NEK11: variants seen among roughly 807,000 people sequenced by gnomAD.
NEK11 encodes NIMA related kinase 11, also known as serine/threonine-protein kinase Nek11.
NEK11 carries 72 observed loss-of-function variants against 80.7 expected under a neutral mutation model. That is an observed-to-expected ratio of 0.89 (90% CI 0.74 to 1.08). The LOEUF (loss-of-function observed/expected upper bound fraction) is 1.08. Among genes scored for constraint, NEK11 ranks in the 50% least tolerant of loss-of-function variants. The probability of loss-of-function intolerance (pLI) is 0.00; values close to 1 mark genes in which losing one functional copy is unlikely to be tolerated. For missense variants in NEK11, 764 were observed against 763.6 expected, an observed-to-expected ratio of 1.00 and a Z score of -0.01; for synonymous variants, 251 against 260.7, an observed-to-expected ratio of 0.96 and a Z score of 0.36.
intron 17 of NEK11, among the ~76,000 whole-genome samples, chr3:131,300,503 A>G (rs1182693986): frequency 6.6e-6 from 1 of 152,016 alleles, no homozygotes; most frequent in Non-Finnish European, 1.5e-5. Flanking sequence ...CAGGATTTTT[A>G]TTGTTTTAGG....
rs990145644 is a variant in NEK11, at chr3:131,207,581, GA to G, written c.1400-20936del. Among the ~76,000 whole-genome samples, 113 of 144,690 alleles carry G rather than the reference GA, an allele frequency of 7.8e-4. 3 individuals carry two copies. The East Asian group carries it at 0.015, about 19-fold the overall frequency. 94.9% of individuals were successfully genotyped at this position (144,690 alleles called of 152,430 possible). A position where few individuals can be genotyped will look rare whatever the true frequency, so the allele number is the denominator to read the frequency against. ...GTGAAAGAGTGAGACTCTATCTCAAGAAAAAAAAAAAGTGTTCCTATTTCTC... is the reference window on the plus strand; with the variant it reads ...GTGAAAGAGTGAGACTCTATCTCAAGAAAAAAAAAAGTGTTCCTATTTCTC... On this transcript the variant is annotated intron_variant, in intron 14 of 17. Transcript: ENST00000383366.
chr3:131,143,193 C>T (rs1244920620), intron 7 of NEK11, among the ~76,000 whole-genome samples: 1 of 152,130 alleles, frequency 6.6e-6, no homozygotes, highest in Non-Finnish European at 1.5e-5. Context: ...CTATTTTGCT[C>T]CAGCTGCTTT....
At chr3:131,214,527 C>T (rs1013756324) in intron 14 of NEK11, among the ~76,000 whole-genome samples, 3 of 152,122 alleles carry the variant, frequency 2.0e-5, no homozygotes, top group East Asian at 1.9e-4. Flanking sequence ...TTGTCATTTT[C>T]GCTTTTACTC....
At chr3:131,193,697 A>G (rs2093890131) in intron 14 of NEK11, among the ~76,000 whole-genome samples, 2 of 152,178 alleles carry the variant, frequency 1.3e-5, no homozygotes, top group African/African-American at 4.8e-5. Context: ...ATGCACTTTT[A>G]TGCTTTAATA....
At chr3:131,189,317 G>A (rs987609148) in intron 14 of NEK11, among the ~76,000 whole-genome samples, 5 of 152,170 alleles carry the variant, frequency 3.3e-5, no homozygotes, top group Non-Finnish European at 1.5e-5. Context: ...AGTCTGTTCA[G>A]GCTGTTGTAA....
rs1024956616 is a variant in NEK11 at position 131,132,533 on chromosome 3, T to A, written c.456-212T>A. 2.0e-5 allele frequency among the ~76,000 whole-genome samples: 3 copies of A among 152,078 alleles called. No homozygotes were observed. In the East Asian group the frequency reaches 5.8e-4, roughly 29 times the overall value. On this transcript the variant is annotated intron_variant, in intron 5 of 17. Coordinates refer to ENST00000383366, the MANE Select transcript of NEK11 (RefSeq NM_024800.5). ...ATATCACCGTTCTCCAAACTACATGTTCCCCAACCTTTAAAATCTTTATTT... is the reference window on the plus strand; with the variant it reads ...ATATCACCGTTCTCCAAACTACATGATCCCCAACCTTTAAAATCTTTATTT...
intron 17 of NEK11, among the ~76,000 whole-genome samples, chr3:131,342,732 G>GGT (rs138440625): frequency 1.5e-4 from 22 of 151,330 alleles, no homozygotes; most frequent in East Asian, 9.7e-4. Context: ...CATGATAAGA[G>GGT]GTGTGTGTGT....
chr3:131,057,411 G>C (rs1382362861), intron 3 of NEK11, among the ~76,000 whole-genome samples: 1 of 151,958 alleles, frequency 6.6e-6, no homozygotes, highest in African/African-American at 2.4e-5. Flanking sequence ...CCAGTAATGG[G>C]ATGGCTGGGT....
intron 16 of NEK11, among the ~76,000 whole-genome samples, chr3:131,263,444 G>A (rs889708364): frequency 2.0e-5 from 3 of 152,162 alleles, no homozygotes; most frequent in Non-Finnish European, 4.4e-5. Flanking sequence ...TTTGGTACAA[G>A]TACCATGCTG....
chr3:131,100,268 T>C (rs2078166023), intron 4 of NEK11, among the ~76,000 whole-genome samples: 1 of 152,154 alleles, frequency 6.6e-6, no homozygotes. Context: ...ATTTATTGAT[T>C]TGTGTATGTT....
intron 14 of NEK11, among the ~76,000 whole-genome samples, chr3:131,183,146 G>A (rs1579747655): frequency 6.6e-6 from 1 of 152,136 alleles, no homozygotes; most frequent in South Asian, 2.1e-4. Flanking sequence ...GGTGACTACC[G>A]ATTAAGAAAG....
At chr3:131,059,609 C>T (rs1379419567) in intron 3 of NEK11, among the ~76,000 whole-genome samples, 1 of 152,184 alleles carries the variant, frequency 6.6e-6, no homozygotes, top group Non-Finnish European at 1.5e-5. Context: ...GCTCCATCTA[C>T]ATAGTGTGAA....
chr3:131,307,514 T>C (rs1027877022), intron 17 of NEK11, among the ~76,000 whole-genome samples: 5 of 152,186 alleles, frequency 3.3e-5, no homozygotes, highest in Non-Finnish European at 7.3e-5. Context: ...TTAATCCCCT[T>C]TTACATAAAA....
intron 17 of NEK11, chr3:131,325,089 A>G (rs1431415032): frequency 6.6e-6 from 1 of 152,208 alleles, no homozygotes; most frequent in Admixed American, 6.5e-5. Flanking sequence ...ACATCCAAGG[A>G]GATGTATGCA....
At chr3:131,087,127 T>C (rs1052702430) in intron 4 of NEK11, among the ~76,000 whole-genome samples, 1 of 152,148 alleles carries the variant, frequency 6.6e-6, no homozygotes, top group African/African-American at 2.4e-5. Flanking sequence ...CACCCCCCTT[T>C]CCTCCCTCCG....
In NEK11 at chr3:131,297,379, T is replaced by C. The variant is rs538747842; in HGVS notation, c.1718+23805T>C. On this transcript the variant is annotated intron_variant, in intron 17 of 17. Coordinates refer to ENST00000383366, the MANE Select transcript of NEK11 (RefSeq NM_024800.5). ...CTAACTGGTGTGAGATGGTATCTCA[T>C]TGTGGTTTTGATTTGCATTTCTCTG... Among the ~76,000 whole-genome samples, 353 of 152,208 alleles carry C rather than the reference T, an allele frequency of 2.3e-3. 2 individuals are homozygous for C. The highest frequency in any genetic ancestry group is 3.9e-3 in the Admixed American group (60 of 15,298).
intron 5 of NEK11, among the ~76,000 whole-genome samples, chr3:131,111,240 C>T (rs1055522654): frequency 6.6e-6 from 1 of 152,130 alleles, no homozygotes; most frequent in African/African-American, 2.4e-5. Flanking sequence ...TAAAATAACC[C>T]TTTGAACAGA....
chr3:131,137,685 T>C (rs1560586975), intron 7 of NEK11, among the ~76,000 whole-genome samples: 1 of 152,164 alleles, frequency 6.6e-6, no homozygotes, highest in African/African-American at 2.4e-5. Context: ...CATGAAATGG[T>C]TGATACAAAC....
At chr3:131,076,862 CAT>C (rs1298936044) in intron 3 of NEK11, among the ~76,000 whole-genome samples, 1 of 152,210 alleles carries the variant, frequency 6.6e-6, no homozygotes, top group African/African-American at 2.4e-5. Context: ...ACTCAAAAGA[CAT>C]GTGTTTGACT....
Sources: gnomAD v4.1 joint callset for allele counts (sites outside exome capture counted in the v4.1 genomes callset) on GRCh38, gnomAD v4.1.1 for gene constraint, MANE v1.5 for transcripts, NCBI Gene and HGNC (gene_info 2026-07-23, HGNC 2026-07-21) for gene names.